The following RANBP2 variants were observed in gnomAD, a reference collection of about 807,000 sequenced individuals.
The protein encoded by RANBP2 is RAN binding protein 2.
A neutral mutation model predicts 303.6 loss-of-function variants in RANBP2; 57 were observed. The observed-to-expected ratio is 0.19, with a 90% CI of 0.15 to 0.23. RANBP2 has a LOEUF of 0.23. Ranked by LOEUF, RANBP2 falls within the 10% of genes least tolerant of loss-of-function variation. The pLI, the probability that RANBP2 is intolerant of heterozygous loss-of-function variation, is 1.00. For synonymous variants in RANBP2, 1,167 were observed against 1,301.5 expected, an observed-to-expected ratio of 0.90 and a Z score of 2.23; for missense variants, 3,138 against 3,780.8, an observed-to-expected ratio of 0.83 and a Z score of 4.46.
chr2:109,396,780 A>G, the RANBP2 span, among the ~76,000 whole-genome samples: 1 of 152,204 alleles, frequency 6.6e-6, no homozygotes, highest in African/African-American at 2.4e-5. Context: ...TCCTTAGCCT[A>G]TGCCAAGCTT....
downstream of RANBP2, chr2:108,788,754 A>T (rs1357715174): frequency 6.8e-7 from 1 of 1,473,556 alleles, no homozygotes; most frequent in Non-Finnish European, 9.1e-7. Context: ...TTGAGAGAGA[A>T]GATTTTAAAA....
the RANBP2 span, among the ~76,000 whole-genome samples, chr2:109,505,997 C>T: frequency 3.3e-5 from 5 of 152,160 alleles, no homozygotes; most frequent in Middle Eastern, 3.2e-3. Flanking sequence ...GGCCTGGTGC[C>T]GTTTTACATT....
In RANBP2 at chr2:108,753,393, A is replaced by G. The variant is rs1676057259; in HGVS notation, c.1918-33A>G. 9 of 1,610,800 alleles carry G rather than the reference A, an allele frequency of 5.6e-6. No homozygotes were observed. In the African/African-American group the frequency reaches 6.7e-5, roughly 12 times the overall value. Reference sequence around the variant, plus strand: ...TTTGGGTTTTATATTCTGAGTATAAACAATTTGACTAAAAACTATTCTGTG... The same window carrying G: ...TTTGGGTTTTATATTCTGAGTATAAGCAATTTGACTAAAAACTATTCTGTG... On this transcript the variant is annotated intron_variant, in intron 13 of 28. Transcript: ENST00000283195.
At chr2:109,267,506 C>CT in the RANBP2 span, among the ~76,000 whole-genome samples, 1 of 152,176 alleles carries the variant, frequency 6.6e-6, no homozygotes, top group Non-Finnish European at 1.5e-5. Context: ...GGTGGAAAGT[C>CT]TTTGTGCTTG....
the RANBP2 span, among the ~76,000 whole-genome samples, chr2:109,141,828 G>T: frequency 6.6e-6 from 1 of 152,112 alleles, no homozygotes; most frequent in African/African-American, 2.4e-5. Context: ...GCTCAGCAAA[G>T]CCAGGTCCTC....
At chr2:108,916,973 CA>C in the RANBP2 span, among the ~76,000 whole-genome samples, 1 of 152,184 alleles carries the variant, frequency 6.6e-6, no homozygotes, top group Non-Finnish European at 1.5e-5. Context: ...CCCAGGCCAC[CA>C]AAGGGCAGCA....
chr2:109,561,094 T>C, the RANBP2 span, among the ~76,000 whole-genome samples: 2 of 152,072 alleles, frequency 1.3e-5, no homozygotes, highest in African/African-American at 4.8e-5. Flanking sequence ...ATCAAAATCC[T>C]CCCCAGGGCC....
At chr2:109,562,136 C>G in the RANBP2 span, among the ~76,000 whole-genome samples, 4 of 152,052 alleles carry the variant, frequency 2.6e-5, no homozygotes, top group East Asian at 7.7e-4. Flanking sequence ...TCGCTTGAAC[C>G]CAGGAGGCAG....
chr2:108,929,109 T>C, the RANBP2 span: 2 of 1,478,034 alleles, frequency 1.4e-6, no homozygotes, highest in Admixed American at 1.7e-5. Flanking sequence ...GCAGTATCCA[T>C]GACCCCTGTT....
chr2:109,246,637 C>G, the RANBP2 span, among the ~76,000 whole-genome samples: 1 of 152,318 alleles, frequency 6.6e-6, no homozygotes, highest in South Asian at 2.1e-4. Flanking sequence ...GTGTATCTCC[C>G]TGCACGTGTC....
the RANBP2 span, among the ~76,000 whole-genome samples, chr2:109,039,980 C>A: frequency 6.6e-6 from 1 of 152,102 alleles, no homozygotes; most frequent in Non-Finnish European, 1.5e-5. Flanking sequence ...TTAATATGGT[C>A]TAATTTGTCA....
At chr2:109,274,853 A>C in the RANBP2 span, among the ~76,000 whole-genome samples, 1 of 151,962 alleles carries the variant, frequency 6.6e-6, no homozygotes, top group African/African-American at 2.4e-5. Flanking sequence ...AGATTACCAT[A>C]ATGTAAAATT....
chr2:108,794,600 G>C, the RANBP2 span: 1 of 1,614,054 alleles, frequency 6.2e-7, no homozygotes, highest in South Asian at 1.1e-5. Flanking sequence ...AGTGATGCAG[G>C]TGACTCTCCT....
chr2:108,907,846 T>A, the RANBP2 span: 1 of 1,613,340 alleles, frequency 6.2e-7, no homozygotes, highest in Non-Finnish European at 8.5e-7. Flanking sequence ...TCATGGCACC[T>A]GCAGGAGCCT....
At chr2:109,636,891 G>A in the RANBP2 span, among the ~76,000 whole-genome samples, 23,291 of 152,190 alleles carry the variant, frequency 0.15, 2,203 homozygotes, top group Non-Finnish European at 0.22. Flanking sequence ...CGGGTGGGAC[G>A]AGAGACTGAG....
At chr2:108,977,809 G>C in the RANBP2 span, among the ~76,000 whole-genome samples, 2 of 152,198 alleles carry the variant, frequency 1.3e-5, no homozygotes, top group Non-Finnish European at 2.9e-5. Context: ...TTCCTGCTGA[G>C]AGCCGCACCC....
At chr2:108,792,320 T>G in the RANBP2 span, among the ~76,000 whole-genome samples, 3 of 152,048 alleles carry the variant, frequency 2.0e-5, no homozygotes, top group Admixed American at 6.5e-5. Context: ...CCCTCTCCTT[T>G]GTTTTCCTTT....
chr2:108,866,689 C>G, the RANBP2 span, among the ~76,000 whole-genome samples: 1 of 152,074 alleles, frequency 6.6e-6, no homozygotes, highest in Non-Finnish European at 1.5e-5. Flanking sequence ...TTGAGACCAG[C>G]CTAGCCAAGA....
the RANBP2 span, among the ~76,000 whole-genome samples, chr2:108,930,772 C>T: frequency 7.3e-3 from 1,110 of 152,304 alleles, 10 homozygotes; most frequent in African/African-American, 0.026. Flanking sequence ...GAGCTACCAA[C>T]GAAATCAATG....
Sources: gnomAD v4.1 joint callset for allele counts (sites outside exome capture counted in the v4.1 genomes callset) on GRCh38, gnomAD v4.1.1 for gene constraint, MANE v1.5 for transcripts, NCBI Gene and HGNC (gene_info 2026-07-23, HGNC 2026-07-21) for gene names.